PRKD3: variants seen among roughly 807,000 people sequenced by gnomAD.
PRKD3 encodes the protein protein kinase D3, also known as serine/threonine-protein kinase D3.
In PRKD3, 47 loss-of-function variants were observed where a neutral mutation model predicts 99.2. The ratio of observed to expected loss-of-function variants is 0.47; its 90% CI spans 0.38 to 0.60. The LOEUF is 0.60. Ranked by LOEUF, PRKD3 falls within the 20% of genes least tolerant of loss-of-function variation. PRKD3 has a pLI of 0.00. For synonymous variants in PRKD3, 392 were observed against 355.4 expected, an observed-to-expected ratio of 1.10 and a Z score of -1.16; for missense variants, 1,019 against 1,088.4, an observed-to-expected ratio of 0.94 and a Z score of 0.90.
In PRKD3 at chr2:37,302,213, T is replaced by G. The variant is rs577498514; in HGVS notation, c.289-8942A>C. Among the ~76,000 whole-genome samples the G allele has an allele frequency of 8.5e-5, 13 of 152,254 alleles. No homozygotes were observed. In the East Asian group the frequency reaches 2.5e-3, roughly 29 times the overall value. On this transcript the variant is annotated intron_variant, in intron 2 of 18. Transcript: ENST00000234179. ...AGCATGGTAGAAGCAAAATGGCCCT[T>G]TAATTTGGCCTCTTTCCAACTGTTC...
chr2:37,252,165 A>T lies in PRKD3; in HGVS notation c.*1012T>A, dbSNP rs1394985801. On this transcript the variant is annotated 3_prime_UTR_variant, in exon 19 of 19. Coordinates refer to ENST00000234179, the MANE Select transcript of PRKD3 (RefSeq NM_005813.6). ...TTTAAAACACTCCAGATATCTGCAA[A>T]GCCCAATAGGCTAGGGGAAGGAGAA... The T allele has an allele frequency of 1.3e-5, 2 of 152,220 alleles. No homozygotes were observed. The highest frequency in any genetic ancestry group is 4.8e-5 in the African/African-American group (2 of 41,446). 9.4% of individuals were successfully genotyped at this position (152,220 alleles called of 1,614,324 possible).
At chr2:37,258,148 G>C (rs928029260) in intron 16 of PRKD3, among the ~76,000 whole-genome samples, 2 of 152,216 alleles carry the variant, frequency 1.3e-5, no homozygotes, top group African/African-American at 2.4e-5. Context: ...AATATAAATT[G>C]AGAGGAAAAA....
intron 12 of PRKD3, among the ~76,000 whole-genome samples, chr2:37,272,160 T>C (rs567447128): frequency 1.3e-5 from 2 of 152,346 alleles, no homozygotes; most frequent in East Asian, 3.9e-4. Flanking sequence ...TTTGTAACAC[T>C]GTAATGTAAC....
intron 16 of PRKD3, among the ~76,000 whole-genome samples, chr2:37,259,160 T>C (rs778265672): frequency 6.6e-6 from 1 of 152,216 alleles, no homozygotes; most frequent in Non-Finnish European, 1.5e-5. Context: ...AGAAATGTTA[T>C]TTTATGTAGG....
chr2:37,324,439 C>G (rs1672028290), intron 1 of PRKD3: 2 of 152,064 alleles, frequency 1.3e-5, no homozygotes, highest in Admixed American at 1.3e-4. Context: ...CCCCCTCAGC[C>G]GCCCACCTCC....
chr2:37,315,985 A>G (rs1224091968), intron 2 of PRKD3, among the ~76,000 whole-genome samples: 1 of 152,220 alleles, frequency 6.6e-6, no homozygotes, highest in Non-Finnish European at 1.5e-5. Context: ...TCAGCCTCCC[A>G]AAGTGCTGGG....
chr2:37,314,878 T>A (rs1323645733), intron 2 of PRKD3, among the ~76,000 whole-genome samples: 1 of 152,166 alleles, frequency 6.6e-6, no homozygotes, highest in Admixed American at 6.5e-5. Context: ...AAGGATACAA[T>A]GCTCTACAGG....
chr2:37,256,627 A>ATT lies in PRKD3; in HGVS notation c.2413+34_2413+35insAA, dbSNP rs1385820838. 48 of 1,247,356 alleles carry ATT rather than the reference A, an allele frequency of 3.8e-5. No individual in the cohort carries two copies. In the African/African-American group the frequency reaches 9.4e-4, roughly 24 times the overall value. The allele number at this position is 1,247,356 out of a possible 1,614,324, so 77.3% of individuals were successfully genotyped here. ...GTTTAGGCTTAAAACACATAGCCAA[A>ATT]ATTTTTTTTTTTTTTTTTTTTTTTT... is the stretch of plus-strand genomic sequence containing the variant. On this transcript the variant is annotated intron_variant, in intron 17 of 18. Coordinates refer to ENST00000234179, the MANE Select transcript of PRKD3 (RefSeq NM_005813.6).
chr2:37,298,423 A>T lies in PRKD3; in HGVS notation c.289-5152T>A, dbSNP rs10208938. Among the ~76,000 whole-genome samples, 156 of 100,892 alleles carry T rather than the reference A, an allele frequency of 1.5e-3. 1 individual carries two copies. The highest frequency in any genetic ancestry group is 2.4e-3 in the East Asian group (11 of 4,614). The allele number at this position is 100,892 out of a possible 152,430, so 66.2% of individuals were successfully genotyped here. ...CATTAACAAAGTTATTTTTTTTTTT[A>T]AAAACAGATGTATAGTTTTCTTTCA... On this transcript the variant is annotated intron_variant, in intron 2 of 18. Coordinates refer to ENST00000234179, the MANE Select transcript of PRKD3 (RefSeq NM_005813.6).
chr2:37,251,303 G>T lies in PRKD3; in HGVS notation c.*1874C>A, dbSNP rs924798508. On this transcript the variant is annotated 3_prime_UTR_variant, in exon 19 of 19. Coordinates refer to ENST00000234179, the MANE Select transcript of PRKD3 (RefSeq NM_005813.6). ...TCCTGGAGGTATTTATGGGTAGATA[G>T]TACAGCATAATGGTTGGGAGGGCTA... is the stretch of plus-strand genomic sequence containing the variant. The T allele has an allele frequency of 6.6e-6, 1 of 152,590 alleles. No individual in the cohort carries two copies. Among genetic ancestry groups the T allele is most frequent in the African/African-American group, 2.4e-5 (1 of 41,432 alleles). 9.5% of individuals were successfully genotyped at this position (152,590 alleles called of 1,614,324 possible). A position where few individuals can be genotyped will look rare whatever the true frequency, so the allele number is the denominator to read the frequency against.
At chr2:37,256,538 A>G (rs1667954153) in intron 17 of PRKD3, 124 bp downstream of exon 17, 4 of 1,235,106 alleles carry the variant, frequency 3.2e-6, no homozygotes, top group Non-Finnish European at 4.3e-6. Context: ...AATTTGGAAG[A>G]TGAATGGGAG....
intron 2 of PRKD3, among the ~76,000 whole-genome samples, chr2:37,295,414 G>A (rs1299033862): frequency 2.6e-5 from 4 of 152,160 alleles, no homozygotes; most frequent in African/African-American, 9.7e-5. Flanking sequence ...GAAAGTGTAA[G>A]CATCATCAAT....
intron 14 of PRKD3, among the ~76,000 whole-genome samples, chr2:37,261,290 C>T (rs1668421172): frequency 6.6e-6 from 1 of 151,644 alleles, no homozygotes; most frequent in Non-Finnish European, 1.5e-5. Flanking sequence ...AGTTCGAGAC[C>T]AGCGTAGCAA....
chr2:37,277,939 TTGA>T lies in PRKD3; in HGVS notation c.1220_1222del (p.Ile407del). 6.2e-7 allele frequency: 1 copy of T among 1,612,986 alleles called. No individual in the cohort carries two copies. Among genetic ancestry groups the T allele is most frequent in the Non-Finnish European group, 8.5e-7 (1 of 1,179,058 alleles). On this transcript the variant is annotated inframe_deletion, in exon 9 of 19. Transcript: ENST00000234179. ...TGTGCTGCTCTTCCTCTTTGTGTGC[TTGA>T]TGGATTGTACAACCCTCATTAGCGG...
chr2:37,307,872 T>C (rs992406982), intron 2 of PRKD3, among the ~76,000 whole-genome samples: 4 of 152,250 alleles, frequency 2.6e-5, no homozygotes, highest in African/African-American at 9.6e-5. Flanking sequence ...AGATATTTTC[T>C]TGGGACAAAA....
At chr2:37,264,065 T>C (rs201793568) in intron 14 of PRKD3, among the ~76,000 whole-genome samples, 21 of 152,274 alleles carry the variant, frequency 1.4e-4, no homozygotes, top group African/African-American at 4.6e-4. Context: ...AAAAGAAACA[T>C]TTTACATTAC....
intron 1 of PRKD3, among the ~76,000 whole-genome samples, chr2:37,317,632 C>T (rs1671721903): frequency 6.6e-6 from 1 of 152,068 alleles, no homozygotes; most frequent in African/African-American, 2.4e-5. Context: ...TATTACAATA[C>T]TAATTCTGCC....
chr2:37,260,237 A>G lies in PRKD3; in HGVS notation c.2032T>C (p.Phe678Leu). ...KSRLPERITKFMVTQILVALR... is the reference protein window; with the variant it reads ...KSRLPERITKLMVTQILVALR... ...AGTTAAAATACCTGTGTGACCATGAATTTAGTAATTCGTTCTGGAAGCCGA... is the reference window on the plus strand; with the variant it reads ...AGTTAAAATACCTGTGTGACCATGAGTTTAGTAATTCGTTCTGGAAGCCGA... Residue 678 changes from phenylalanine to leucine, a missense_variant, in exon 15 of 19, where the codon TTC becomes CTC. Phe to Leu is a conservative substitution (Grantham distance 22). Transcript: ENST00000234179. The G allele has an allele frequency of 6.2e-7, 1 of 1,610,468 alleles. No homozygotes were observed. Among genetic ancestry groups the G allele is most frequent in the Admixed American group, 1.7e-5 (1 of 59,636 alleles).
chr2:37,262,734 G>A (rs3770764), intron 14 of PRKD3, among the ~76,000 whole-genome samples: 52,853 of 151,942 alleles, frequency 0.35, 9,372 homozygotes, highest in Middle Eastern at 0.41. Context: ...GAAGTATGCT[G>A]TAACATTATT....
Sources: gnomAD v4.1 joint callset for allele counts (sites outside exome capture counted in the v4.1 genomes callset) on GRCh38, gnomAD v4.1.1 for gene constraint, MANE v1.5 for transcripts, NCBI Gene and HGNC (gene_info 2026-07-23, HGNC 2026-07-21) for gene names.